EPB41L3: variants seen among roughly 807,000 people sequenced by gnomAD.
EPB41L3 encodes the protein band 4.1-like protein 3.
EPB41L3 carries 57 observed loss-of-function variants against 127.1 expected under a neutral mutation model. That is an observed-to-expected ratio of 0.45 (90% CI 0.36 to 0.56). EPB41L3 has a LOEUF of 0.56. Among genes scored for constraint, EPB41L3 ranks in the 20% least tolerant of loss-of-function variants. The pLI is 0.00. For missense variants in EPB41L3, 1,273 were observed against 1,372.2 expected (o/e 0.93, Z 1.14); for synonymous variants, 572 against 549.5 (o/e 1.04, Z -0.57).
intron 14 of EPB41L3, among the ~76,000 whole-genome samples, chr18:5,408,649 T>G (rs934006347): frequency 6.6e-6 from 1 of 151,152 alleles, no homozygotes; most frequent in Non-Finnish European, 1.5e-5. Context: ...TAAGAAAGTT[T>G]TTTTTTTTTT....
intron 1 of EPB41L3, among the ~76,000 whole-genome samples, chr18:5,509,720 A>T (rs1315066706): frequency 6.6e-6 from 1 of 152,118 alleles, no homozygotes; most frequent in African/African-American, 2.4e-5. Context: ...TGGGTGTATA[A>T]TTTTCTTTAT....
At chr18:5,601,709 C>A (rs1478587769) in intron 3 of EPB41L3, among the ~76,000 whole-genome samples, 5 of 152,164 alleles carry the variant, frequency 3.3e-5, no homozygotes, top group African/African-American at 7.2e-5. Context: ...TCCCAGAAAT[C>A]CAGTTCCATT....
chr18:5,564,093 C>A (rs1232605445), intron 3 of EPB41L3, among the ~76,000 whole-genome samples: 3 of 152,080 alleles, frequency 2.0e-5, no homozygotes, highest in Non-Finnish European at 4.4e-5. Context: ...GAAGAGTCCA[C>A]TAGATTTAGA....
At chr18:5,407,775 A>G in intron 14 of EPB41L3, 39 bp from the exon 15 acceptor site, 1 of 1,604,168 alleles carries the variant, frequency 6.2e-7, no homozygotes, top group Non-Finnish European at 8.5e-7. Context: ...AAAGTCTTAC[A>G]TGCAATTTAC....
chr18:5,626,446 T>C (rs1422746158), intron 1 of EPB41L3, among the ~76,000 whole-genome samples: 1 of 152,240 alleles, frequency 6.6e-6, no homozygotes, highest in African/African-American at 2.4e-5. Context: ...TAATCTTTAA[T>C]ATAAATAGCG....
In EPB41L3 at chr18:5,580,457, C is replaced by T. The variant is rs191361343; in HGVS notation, c.-306+31883G>A. ...ATATAGACACACATGTATAGATGCA[C>T]TCACAAATATATAGATACAGACTCA... On this transcript the variant is annotated intron_variant, in intron 3 of 21. Transcript: ENST00000545076. Among the ~76,000 whole-genome samples, 209 of 152,094 alleles carry T rather than the reference C, an allele frequency of 1.4e-3. 1 individual carries two copies. The highest frequency in any genetic ancestry group is 2.2e-3 in the Non-Finnish European group (150 of 68,004).
chr18:5,562,804 C>T (rs2094150724), intron 3 of EPB41L3, among the ~76,000 whole-genome samples: 1 of 152,200 alleles, frequency 6.6e-6, no homozygotes. Flanking sequence ...CCCATCAGAG[C>T]CCTCTGATAC....
chr18:5,579,819 T>C (rs2094374229), intron 3 of EPB41L3, among the ~76,000 whole-genome samples: 1 of 152,194 alleles, frequency 6.6e-6, no homozygotes, highest in African/African-American at 2.4e-5. Context: ...GTAACCAATG[T>C]CTCTAGATGG....
chr18:5,581,925 A>G (rs755812784), intron 3 of EPB41L3, among the ~76,000 whole-genome samples: 1 of 152,176 alleles, frequency 6.6e-6, no homozygotes, highest in Non-Finnish European at 1.5e-5. Flanking sequence ...TGAGCCCAGG[A>G]GTTTGAGGCT....
intron 3 of EPB41L3, among the ~76,000 whole-genome samples, chr18:5,581,717 C>A (rs752515529): frequency 2.0e-4 from 31 of 152,140 alleles, no homozygotes; most frequent in Admixed American, 5.2e-4. Flanking sequence ...ATGATTAAGG[C>A]CAGGCATGGT....
chr18:5,515,378 A>C (rs2092708199), intron 1 of EPB41L3, among the ~76,000 whole-genome samples: 2 of 152,206 alleles, frequency 1.3e-5, no homozygotes, highest in Admixed American at 1.3e-4. Context: ...TGCTATGAAC[A>C]AGTCTGTTCC....
At chr18:5,420,604 A>G (rs1195497288) in intron 11 of EPB41L3, among the ~76,000 whole-genome samples, 1 of 152,230 alleles carries the variant, frequency 6.6e-6, no homozygotes, top group African/African-American at 2.4e-5. Flanking sequence ...AACACAATGA[A>G]TGTTGCTAAA....
At position 5,423,602 on chromosome 18, in the gene EPB41L3, GA is replaced by G. The variant is rs1390928011; in HGVS notation, c.1164-50del. The stretch of plus-strand genomic sequence containing the variant: ...CAGAAAGACTATTAAGTCCAATATT[GA>G]GAGTGCTTTTTAAACTTTTTACTCT... On this transcript the variant is annotated intron_variant, in intron 10 of 22. Coordinates refer to ENST00000341928, the MANE Select transcript of EPB41L3 (RefSeq NM_012307.5). The G allele has an allele frequency of 3.3e-6, 5 of 1,509,714 alleles. No individual in the cohort carries two copies. In the African/African-American group the frequency reaches 5.6e-5, roughly 17 times the overall value. The allele number at this position is 1,509,714 out of a possible 1,614,324, so 93.5% of individuals were successfully genotyped here.
chr18:5,628,845 G>C (rs947290238), intron 1 of EPB41L3: 11 of 151,684 alleles, frequency 7.3e-5, no homozygotes, highest in Admixed American at 7.2e-4. Flanking sequence ...GCAGCTCCCG[G>C]CGCGCCCTCC....
intron 1 of EPB41L3, among the ~76,000 whole-genome samples, chr18:5,509,829 A>G (rs1278872799): frequency 6.6e-6 from 1 of 152,162 alleles, no homozygotes; most frequent in African/African-American, 2.4e-5. Flanking sequence ...CTTGTTTGCA[A>G]TTTTACTACT....
At chr18:5,526,125 G>T (rs187572116) in intron 1 of EPB41L3, among the ~76,000 whole-genome samples, 3 of 152,102 alleles carry the variant, frequency 2.0e-5, no homozygotes, top group Non-Finnish European at 4.4e-5. Flanking sequence ...CATCCAATTT[G>T]CTGTTCCAGG....
chr18:5,474,058 T>C (rs896540673), intron 3 of EPB41L3, among the ~76,000 whole-genome samples: 9 of 151,864 alleles, frequency 5.9e-5, no homozygotes, highest in African/African-American at 1.9e-4. Context: ...GGTGAAACCC[T>C]GTCTCTACTA....
At chr18:5,403,930 G>A (rs1303429466) in intron 16 of EPB41L3, among the ~76,000 whole-genome samples, 1 of 152,070 alleles carries the variant, frequency 6.6e-6, no homozygotes, top group Admixed American at 6.5e-5. Flanking sequence ...ATTAAAAAAA[G>A]GATAAAATTA....
chr18:5,435,339 TTCAC>T (rs1210540935), intron 6 of EPB41L3, among the ~76,000 whole-genome samples: 1 of 152,212 alleles, frequency 6.6e-6, no homozygotes, highest in Non-Finnish European at 1.5e-5. Context: ...CCATTCACTC[TTCAC>T]TCACTCACTG....
Sources: gnomAD v4.1 joint callset for allele counts (sites outside exome capture counted in the v4.1 genomes callset) on GRCh38, gnomAD v4.1.1 for gene constraint, MANE v1.5 for transcripts, NCBI Gene and HGNC (gene_info 2026-07-23, HGNC 2026-07-21) for gene names.